The following ARID1B variants were observed in gnomAD, a reference collection of about 807,000 sequenced individuals.
ARID1B encodes AT-rich interactive domain-containing protein 1B.
ARID1B carries 30 observed loss-of-function variants against 212.3 expected under a neutral mutation model. The ratio of observed to expected loss-of-function variants is 0.14; its 90% CI spans 0.11 to 0.19. The LOEUF is 0.19. Among genes scored for constraint, ARID1B ranks in the 10% least tolerant of loss-of-function variants. The pLI is 1.00. For synonymous variants in ARID1B, 1,402 were observed against 1,301.7 expected (o/e 1.08, Z -1.66); for missense variants, 2,891 against 3,204.0 (o/e 0.90, Z 2.36).
chr6:156,828,993 T>C (rs1782953419), intron 1 of ARID1B, among the ~76,000 whole-genome samples: 1 of 152,238 alleles, frequency 6.6e-6, no homozygotes, highest in Admixed American at 6.5e-5. Context: ...TAGTTTTGTT[T>C]AGTCTAGAGC....
chr6:157,024,893 A>C (rs994845668), intron 4 of ARID1B: 1 of 152,250 alleles, frequency 6.6e-6, no homozygotes, highest in Non-Finnish European at 1.5e-5. Context: ...TCTGAGCTAT[A>C]AGAAAAAGGT....
At chr6:157,126,212 G>A (rs1002129401) in intron 6 of ARID1B, among the ~76,000 whole-genome samples, 2 of 152,160 alleles carry the variant, frequency 1.3e-5, no homozygotes, top group Non-Finnish European at 2.9e-5. Context: ...CAGTTTAGCA[G>A]AGCATTTGTG....
At chr6:157,117,669 A>T (rs553779126) in intron 6 of ARID1B, among the ~76,000 whole-genome samples, 1 of 152,346 alleles carries the variant, frequency 6.6e-6, no homozygotes, top group African/African-American at 2.4e-5. Flanking sequence ...AACTAAAGCC[A>T]TCCAGCTCTC....
intron 4 of ARID1B, chr6:156,943,260 T>A (rs1037765760): frequency 6.6e-6 from 1 of 152,182 alleles, no homozygotes; most frequent in African/African-American, 2.4e-5. Context: ...GATTATTGAC[T>A]CAACAAGCCT....
chr6:157,174,156 T>C, intron 10 of ARID1B, 39 bp downstream of exon 10: 3 of 1,580,054 alleles, frequency 1.9e-6, no homozygotes, highest in Non-Finnish European at 2.6e-6. Flanking sequence ...GAGGTCTGCC[T>C]AGCAAAAAGC....
chr6:156,897,264 C>CTTCTTCTTCTTCTTCTTCTTCTTA (rs71027320), intron 2 of ARID1B, among the ~76,000 whole-genome samples: 60 of 83,594 alleles, frequency 7.2e-4, no homozygotes, highest in Non-Finnish European at 1.1e-3. Flanking sequence ...TCTTCTTCTT[C>CTTCTTCTTCTTCTTCTTCTTCTTA]TTATTATTAT....
rs1038721061 is a variant in ARID1B at position 157,006,051 on chromosome 6, C to A, written c.2247+70475C>A. Among the ~76,000 whole-genome samples, 8 of 152,248 alleles carry A rather than the reference C, an allele frequency of 5.3e-5. No homozygotes were observed. The South Asian group carries it at 1.5e-3, about 28-fold the overall frequency. On this transcript the variant is annotated intron_variant, in intron 4 of 19. Coordinates refer to ENST00000636930, the MANE Select transcript of ARID1B (RefSeq NM_001374828.1). ...TATTCTTGCCACCCCACAACACCCC[C>A]CATTGAGAGATCCAGGCAAGATAGA... is the stretch of plus-strand genomic sequence containing the variant.
intron 1 of ARID1B, among the ~76,000 whole-genome samples, chr6:156,791,486 T>C (rs574939298): frequency 6.6e-6 from 1 of 152,374 alleles, no homozygotes; most frequent in East Asian, 1.9e-4. Flanking sequence ...TGTTCCATTC[T>C]TAACCTCTTT....
At chr6:157,167,540 C>G (rs969195850) in intron 9 of ARID1B, 1 of 173,484 alleles carries the variant, frequency 5.8e-6, no homozygotes, top group Admixed American at 6.2e-5. Flanking sequence ...ACAAACATTT[C>G]GAATTCACAT....
intron 17 of ARID1B, 127 bp downstream of exon 17, chr6:157,199,034 T>C: frequency 1.3e-6 from 1 of 793,062 alleles, no homozygotes. Flanking sequence ...TGTTGAGCAT[T>C]CAGGATATAG....
At chr6:157,050,531 G>A (rs1259219318) in intron 4 of ARID1B, among the ~76,000 whole-genome samples, 3 of 152,016 alleles carry the variant, frequency 2.0e-5, no homozygotes, top group Admixed American at 1.3e-4. Context: ...GCGACAGAGC[G>A]AGAATCTTAT....
chr6:157,006,036 A>C (rs1779234985), intron 4 of ARID1B, among the ~76,000 whole-genome samples: 1 of 150,988 alleles, frequency 6.6e-6, no homozygotes, highest in South Asian at 2.1e-4. Flanking sequence ...TATTCTTGCC[A>C]CCCCACAACA....
intron 4 of ARID1B, among the ~76,000 whole-genome samples, chr6:157,040,614 C>A (rs1228553802): frequency 6.6e-6 from 1 of 152,168 alleles, no homozygotes; most frequent in East Asian, 1.9e-4. Flanking sequence ...TACACTGGGA[C>A]CCAGAAATGA....
At chr6:156,921,624 A>G (rs146354545) in intron 3 of ARID1B, among the ~76,000 whole-genome samples, 49 of 152,308 alleles carry the variant, frequency 3.2e-4, no homozygotes, top group Non-Finnish European at 6.2e-4. Flanking sequence ...TCTTTTTAGT[A>G]TATTGTTTTT....
chr6:156,971,629 C>T (rs946838316), intron 4 of ARID1B, among the ~76,000 whole-genome samples: 1 of 152,144 alleles, frequency 6.6e-6, no homozygotes, highest in African/African-American at 2.4e-5. Context: ...TCTCCTAAGG[C>T]TGATATCGGG....
chr6:157,178,273 GAA>G (rs543085984), intron 11 of ARID1B, among the ~76,000 whole-genome samples: 1 of 149,110 alleles, frequency 6.7e-6, no homozygotes, highest in Non-Finnish European at 1.5e-5. Context: ...ATCACTCATG[GAA>G]AAAAAAAATG....
At chr6:157,010,023 AAG>A (rs1165651198) in intron 4 of ARID1B, among the ~76,000 whole-genome samples, 18 of 152,238 alleles carry the variant, frequency 1.2e-4, no homozygotes, top group African/African-American at 4.1e-4. Flanking sequence ...TCTCATATGA[AAG>A]AGTGTTAGGG....
At chr6:157,101,596 C>A (rs1022570213) in intron 5 of ARID1B, among the ~76,000 whole-genome samples, 2 of 151,698 alleles carry the variant, frequency 1.3e-5, no homozygotes, top group African/African-American at 4.8e-5. Context: ...AATTACTAAT[C>A]GAAGAATATA....
Position 156,779,276 on chromosome 6 carries a change from G to T in ARID1B, c.1596G>T (p.Pro532=), listed in dbSNP as rs2115000861. The part of the protein sequence containing the change: ...EYSSPSAPPP[P]PSQPQSQAAA... ...GCAGCCCCAGCGCGCCGCCGCCGCC[G>T]CCGTCGCAGCCCCAGTCCCAGGCGG... Residue 532 remains proline, a synonymous_variant, in exon 1 of 20, where the codon CCG becomes CCT. Coordinates refer to ENST00000636930, the MANE Select transcript of ARID1B (RefSeq NM_001374828.1). 8.7e-7 allele frequency: 1 copy of T among 1,150,720 alleles called. No homozygotes were observed. The highest frequency in any genetic ancestry group is 3.9e-5 in the Admixed American group (1 of 25,464). 71.3% of individuals were successfully genotyped at this position (1,150,720 alleles called of 1,614,324 possible). A position where few individuals can be genotyped will look rare whatever the true frequency, so the allele number is the denominator to read the frequency against.
Sources: gnomAD v4.1 joint callset for allele counts (sites outside exome capture counted in the v4.1 genomes callset) on GRCh38, gnomAD v4.1.1 for gene constraint, MANE v1.5 for transcripts, NCBI Gene and HGNC (gene_info 2026-07-23, HGNC 2026-07-21) for gene names.